Variants in ANKS1A observed in about 807,000 individuals in gnomAD.
ANKS1A encodes the protein ankyrin repeat and sterile alpha motif domain containing 1A, also known as ankyrin repeat and SAM domain-containing protein 1A.
Under a neutral mutation model 120.3 loss-of-function variants are expected in ANKS1A, and 55 were observed. The ratio of observed to expected loss-of-function variants is 0.46; its 90% confidence interval spans 0.37 to 0.57. ANKS1A has a LOEUF of 0.57. ANKS1A is among the 20% of genes least tolerant of loss of function. The probability of loss-of-function intolerance (pLI) is 0.00; values close to 1 mark genes in which losing one functional copy is unlikely to be tolerated. For missense variants in ANKS1A, 1,123 were observed against 1,480.3 expected (o/e 0.76, Z 3.96); for synonymous variants, 590 against 604.7 (o/e 0.98, Z 0.36).
intron 11 of ANKS1A, among the ~76,000 whole-genome samples, chr6:35,028,518 C>G (rs1472212816): frequency 6.6e-6 from 1 of 152,128 alleles, no homozygotes. Flanking sequence ...ATACCTGAAT[C>G]TAGGTGAAAT....
intron 10 of ANKS1A, among the ~76,000 whole-genome samples, chr6:35,009,298 G>A (rs1259206081): frequency 6.6e-6 from 1 of 152,108 alleles, no homozygotes; most frequent in African/African-American, 2.4e-5. Flanking sequence ...AGAAGAAGCA[G>A]AATTAACAGG....
chr6:35,039,477 G>A (rs1432106776), intron 11 of ANKS1A: 8 of 422,242 alleles, frequency 1.9e-5, no homozygotes, highest in South Asian at 5.2e-5. Context: ...GATTACAGGC[G>A]TGAGCCATCA....
Position 35,018,006 on chromosome 6 carries a change from A to G in ANKS1A, c.1957A>G (p.Ile653Val). Residue 653 changes from isoleucine (I) to valine (V), a missense_variant, in exon 11 of 24, where the codon ATT (isoleucine) becomes GTT (valine). Ile to Val is a conservative substitution (Grantham distance 29, BLOSUM62 3). This residue lies in a region of ANKS1A where 904 missense variants were observed against 1,130.4 expected (regional missense o/e 0.80). Transcript: ENST00000360359. ...SRSESLSNCS[I>V]GKKRLEKSPS... ...GAGTGAGTCCTTATCCAACTGCAGC[A>G]TTGGGAAGAAAAGGCTAGAGAAGTC... 6.2e-7 allele frequency: 1 copy of G among 1,614,176 alleles called. No individual in the cohort carries two copies. The highest frequency in any genetic ancestry group is 1.1e-5 in the South Asian group (1 of 91,086).
rs1777931712 is a variant in ANKS1A at position 35,085,743 on chromosome 6, AGTG to A, written c.3133-19_3133-17del. The A allele has an allele frequency of 1.3e-6, 2 of 1,559,140 alleles. No individual in the cohort carries two copies. Among genetic ancestry groups the A allele is most frequent in the South Asian group, 1.2e-5 (1 of 82,656 alleles). On this transcript the variant is annotated intron_variant, in intron 21 of 23. Transcript: ENST00000360359. The surrounding 1 kb of genome is among the most constrained non-coding windows in gnomAD (Gnocchi z 4.7). ...AAGCGGCTCCTGAACCAGGTGCTTA[AGTG>A]GTGATCTGCTTCCTCCCAGAACCTG...
At chr6:34,933,938 G>A (rs1281099749) in intron 1 of ANKS1A, among the ~76,000 whole-genome samples, 1 of 152,194 alleles carries the variant, frequency 6.6e-6, no homozygotes, top group African/African-American at 2.4e-5. Flanking sequence ...TTCAGAAATT[G>A]TGGACCTAAA....
Position 35,060,277 on chromosome 6 carries a change from A to G in ANKS1A, c.2184+24A>G. On this transcript the variant is annotated intron_variant, in intron 13 of 23. Coordinates refer to ENST00000360359, the MANE Select transcript of ANKS1A (RefSeq NM_015245.3). The surrounding 1 kb of genome is among the most constrained non-coding windows in gnomAD (Gnocchi z 4.5). ...TGGTAAGTGGCTGCAGGCCTCCTCAATGGCAGGGTGCTGCTCAGTGGAAAC... is the reference window on the plus strand; with the variant it reads ...TGGTAAGTGGCTGCAGGCCTCCTCAGTGGCAGGGTGCTGCTCAGTGGAAAC... The G allele has an allele frequency of 1.3e-6, 2 of 1,592,214 alleles. No individual in the cohort carries two copies.
intron 16 of ANKS1A, among the ~76,000 whole-genome samples, chr6:35,080,603 A>G (rs983769851): frequency 6.6e-6 from 1 of 152,202 alleles, no homozygotes; most frequent in Non-Finnish European, 1.5e-5. Context: ...CTGGGAACCA[A>G]ACACACAACT....
intron 1 of ANKS1A, among the ~76,000 whole-genome samples, chr6:34,961,218 T>C (rs1014713168): frequency 2.6e-5 from 4 of 152,206 alleles, no homozygotes; most frequent in Non-Finnish European, 4.4e-5. Flanking sequence ...CTTACAGTTT[T>C]AGAAAACCTA....
Position 35,078,668 on chromosome 6 carries a change from C to T in ANKS1A, c.2283+12C>T, listed in dbSNP as rs768050239. ...GCTCCCTACCCAAGGTGACCATCGC[C>T]GGCCCTGTAGCCTCAGCCCGTGCGG... is the stretch of plus-strand genomic sequence containing the variant. On this transcript the variant is annotated intron_variant, in intron 14 of 23. Transcript: ENST00000360359. The T allele has an allele frequency of 1.6e-5, 25 of 1,600,032 alleles. No individual in the cohort carries two copies. The highest frequency in any genetic ancestry group is 1.6e-4 in the Middle Eastern group (1 of 6,074).
At position 35,090,340 on chromosome 6, in the gene ANKS1A, A is replaced by T. The variant is rs707968; in HGVS notation, c.*1731A>T. On this transcript the variant is annotated 3_prime_UTR_variant, in exon 24 of 24. Transcript: ENST00000360359. ...AGAGTAGACTGCGCTGCCACTGCGC[A>T]CATGCTGGTGCCCGTCTTCCTCCTA... The T allele has an allele frequency of 1.6e-6, 2 of 1,276,336 alleles. No individual in the cohort carries two copies. Among genetic ancestry groups the T allele is most frequent in the African/African-American group, 3.1e-5 (2 of 65,400 alleles). The allele number at this position is 1,276,336 out of a possible 1,614,324, so 79.1% of individuals were successfully genotyped here. A position where few individuals can be genotyped will look rare whatever the true frequency, so the allele number is the denominator to read the frequency against.
In ANKS1A at chr6:34,948,924, G is replaced by A. The variant is rs1769934411; in HGVS notation, c.198-18315G>A. ...GTCAAGAGGATTCATCCCGGGCATG[G>A]TGTAGTGATAAGAACATTTCACTGG... is the stretch of plus-strand genomic sequence containing the variant. On this transcript the variant is annotated intron_variant, in intron 1 of 23. Transcript: ENST00000360359. 2.0e-5 allele frequency among the ~76,000 whole-genome samples: 3 copies of A among 152,150 alleles called. No individual in the cohort carries two copies. In the South Asian group the frequency reaches 6.2e-4, roughly 31 times the overall value.
chr6:35,081,512 C>A (rs1444575885), intron 17 of ANKS1A, among the ~76,000 whole-genome samples: 1 of 152,208 alleles, frequency 6.6e-6, no homozygotes, highest in Non-Finnish European at 1.5e-5. Flanking sequence ...TCTGTGCTCT[C>A]CTGGCCTCTG....
intron 1 of ANKS1A, among the ~76,000 whole-genome samples, chr6:34,931,295 C>T (rs1352558319): frequency 2.0e-5 from 3 of 152,020 alleles, no homozygotes; most frequent in Non-Finnish European, 1.5e-5. Context: ...TATAGGCACT[C>T]ACCACCACAC....
chr6:34,989,431 T>C, intron 9 of ANKS1A, 115 bp downstream of exon 9: 1 of 946,476 alleles, frequency 1.1e-6, no homozygotes, highest in Admixed American at 2.3e-5. Flanking sequence ...CTTTGGATTA[T>C]AAATTTGTAT....
chr6:34,994,402 T>C lies in ANKS1A; in HGVS notation c.1403T>C (p.Leu468Ser). Reference protein sequence around the residue: ...LLTAETKKVVLVDGKTKDHRR... With the variant: ...LLTAETKKVVSVDGKTKDHRR... ...ACAGCAGAGACAAAGAAAGTGGTGT[T>C]GGTGGATGGAAAAACAAAAGGTACG... Residue 468 changes from leucine (L) to serine (S), a missense_variant, in exon 10 of 24, where the codon TTG becomes TCG. Around this residue, in one of 3 missense-constraint regions of ANKS1A, gnomAD observed 904 missense variants for 1,130.4 expected, o/e 0.80. Coordinates refer to ENST00000360359, the MANE Select transcript of ANKS1A (RefSeq NM_015245.3). The C allele has an allele frequency of 6.2e-7, 1 of 1,612,902 alleles. No individual in the cohort carries two copies. Among genetic ancestry groups the C allele is most frequent in the Non-Finnish European group, 8.5e-7 (1 of 1,179,130 alleles).
At chr6:34,957,258 T>C (rs1357818927) in intron 1 of ANKS1A, among the ~76,000 whole-genome samples, 5 of 152,210 alleles carry the variant, frequency 3.3e-5, no homozygotes, top group Admixed American at 2.0e-4. Flanking sequence ...GGGGCTTCTG[T>C]GTCTGACTGT....
At position 35,089,125 on chromosome 6, in the gene ANKS1A, C is replaced by T. The variant is rs1190204297; in HGVS notation, c.*516C>T. 5.0e-5 allele frequency: 51 copies of T among 1,017,966 alleles called. No individual in the cohort carries two copies. The highest frequency in any genetic ancestry group is 5.3e-5 in the Non-Finnish European group (45 of 848,014). 63.1% of individuals were successfully genotyped at this position (1,017,966 alleles called of 1,614,324 possible). A position where few individuals can be genotyped will look rare whatever the true frequency, so the allele number is the denominator to read the frequency against. On this transcript the variant is annotated 3_prime_UTR_variant, in exon 24 of 24. Transcript: ENST00000360359. ...GAGCAGGCTCAGGCAGAATTGAGTA[C>T]GGTGCGTCTGCTTTTCAAACCCAAC...
At chr6:34,934,677 G>T (rs775168007) in intron 1 of ANKS1A, among the ~76,000 whole-genome samples, 13 of 152,234 alleles carry the variant, frequency 8.5e-5, no homozygotes, top group Non-Finnish European at 1.8e-4. Flanking sequence ...CATAGTAAGT[G>T]TTGGAAAGTG....
intron 10 of ANKS1A, chr6:35,010,036 A>G (rs12661991): frequency 0.67 from 131,236 of 194,860 alleles, 46,893 homozygotes; most frequent in Non-Finnish European, 0.79. Flanking sequence ...AAATTTTTAA[A>G]AATTAGCTGG....
Sources: gnomAD v4.1 joint callset for allele counts (sites outside exome capture counted in the v4.1 genomes callset) on GRCh38, gnomAD v4.1.1 for gene constraint, gnomAD v4.1.1 regional missense constraint, Gnocchi (gnomAD v3.1) non-coding constraint, MANE v1.5 for transcripts, NCBI Gene and HGNC (gene_info 2026-07-23, HGNC 2026-07-21) for gene names.